LRFN5: variants seen among roughly 807,000 people sequenced by gnomAD.
LRFN5 encodes the protein leucine rich repeat and fibronectin type III domain containing 5.
Under a neutral mutation model 45.6 loss-of-function variants are expected in LRFN5, and 24 were observed. The observed-to-expected ratio is 0.53, with a 90% CI of 0.38 to 0.74. LRFN5 has a LOEUF of 0.74. LRFN5 is among the 30% of genes least tolerant of loss of function. LRFN5 has a pLI of 0.00. For synonymous variants in LRFN5, 340 were observed against 313.8 expected (o/e 1.08, Z -0.88); for missense variants, 776 against 861.5 (o/e 0.90, Z 1.24).
intron 1 of LRFN5, among the ~76,000 whole-genome samples, chr14:41,610,972 G>A (rs1018097700): frequency 6.6e-6 from 1 of 152,030 alleles, no homozygotes; most frequent in African/African-American, 2.4e-5. Flanking sequence ...TATCTAGAGA[G>A]TGCACAAGAA....
chr14:41,710,814 C>T (rs1355052194), intron 1 of LRFN5, among the ~76,000 whole-genome samples: 1 of 152,028 alleles, frequency 6.6e-6, no homozygotes, highest in Non-Finnish European at 1.5e-5. Flanking sequence ...GTTCCCCTGC[C>T]TGTGTCCATG....
intron 2 of LRFN5, among the ~76,000 whole-genome samples, chr14:41,862,193 A>G (rs1184113418): frequency 2.6e-5 from 4 of 152,184 alleles, no homozygotes; most frequent in Non-Finnish European, 4.4e-5. Flanking sequence ...AGTTCTTTAT[A>G]GCAGTATGAA....
chr14:41,816,822 G>T (rs1887934169), intron 2 of LRFN5, among the ~76,000 whole-genome samples: 1 of 151,706 alleles, frequency 6.6e-6, no homozygotes, highest in Non-Finnish European at 1.5e-5. Context: ...AACATAATTT[G>T]GGAAAAATCT....
chr14:41,687,017 T>C (rs1882152125), intron 1 of LRFN5, among the ~76,000 whole-genome samples: 1 of 152,172 alleles, frequency 6.6e-6, no homozygotes, highest in Non-Finnish European at 1.5e-5. Flanking sequence ...TTGTTTGGAA[T>C]AGTTTCAGAA....
chr14:41,868,841 C>T (rs958068988), intron 2 of LRFN5, among the ~76,000 whole-genome samples: 2 of 152,114 alleles, frequency 1.3e-5, no homozygotes, highest in African/African-American at 2.4e-5. Context: ...AAATGACTGC[C>T]ATGCAGCCTG....
chr14:41,706,973 A>C (rs932983593), intron 1 of LRFN5, among the ~76,000 whole-genome samples: 1 of 152,172 alleles, frequency 6.6e-6, no homozygotes, highest in Non-Finnish European at 1.5e-5. Context: ...TTAACCATTA[A>C]ATCTACATCC....
chr14:41,714,079 G>T (rs1416677405), intron 1 of LRFN5, among the ~76,000 whole-genome samples: 1 of 151,802 alleles, frequency 6.6e-6, no homozygotes, highest in Non-Finnish European at 1.5e-5. Context: ...TTATATAAGA[G>T]AAATGGCATT....
At chr14:41,865,852 A>G (rs1337131522) in intron 2 of LRFN5, among the ~76,000 whole-genome samples, 1 of 152,096 alleles carries the variant, frequency 6.6e-6, no homozygotes, top group Non-Finnish European at 1.5e-5. Flanking sequence ...TGATTTGTAT[A>G]TCTTATTTTG....
At position 41,856,659 on chromosome 14, in the gene LRFN5, A is replaced by AATTATTATTATTATT. The variant is rs1377101488; in HGVS notation, c.-20-29943_-20-29929dup. ...AGTCTTTTGTAATTCTTTCTTTCCT[A>AATTATTATTATTATT]ATTATTATTATTATTATTTTTTTTT... On this transcript the variant is annotated intron_variant, in intron 2 of 5. Coordinates refer to ENST00000298119, the MANE Select transcript of LRFN5 (RefSeq NM_152447.5). 1.5e-3 allele frequency among the ~76,000 whole-genome samples: 76 copies of AATTATTATTATTATT among 49,718 alleles called. 4 individuals are homozygous for AATTATTATTATTATT. Among genetic ancestry groups the AATTATTATTATTATT allele is most frequent in the African/African-American group, 5.5e-3 (66 of 12,106 alleles). 32.6% of individuals were successfully genotyped at this position (49,718 alleles called of 152,430 possible).
chr14:41,640,908 G>A (rs1361992663), intron 1 of LRFN5, among the ~76,000 whole-genome samples: 1 of 151,900 alleles, frequency 6.6e-6, no homozygotes, highest in Non-Finnish European at 1.5e-5. Context: ...AGCAAAATAT[G>A]GGAAAACTCA....
intron 2 of LRFN5, among the ~76,000 whole-genome samples, chr14:41,796,641 C>T (rs922293714): frequency 6.6e-6 from 1 of 151,854 alleles, no homozygotes; most frequent in Non-Finnish European, 1.5e-5. Flanking sequence ...ATTAGGGTCA[C>T]TTTATTAGGC....
At chr14:41,732,940 AAAG>A (rs139403799) in intron 1 of LRFN5, among the ~76,000 whole-genome samples, 40,881 of 151,658 alleles carry the variant, frequency 0.27, 5,822 homozygotes, top group South Asian at 0.42. Context: ...CCAGAAAAGA[AAAG>A]AAAAAAATTC....
intron 1 of LRFN5, among the ~76,000 whole-genome samples, chr14:41,610,947 C>T (rs1047944383): frequency 6.6e-6 from 1 of 151,988 alleles, no homozygotes; most frequent in Non-Finnish European, 1.5e-5. Context: ...TATTTGTTAG[C>T]AAGTAACTCA....
intron 1 of LRFN5, among the ~76,000 whole-genome samples, chr14:41,634,889 G>T (rs1345208088): frequency 1.3e-5 from 2 of 151,984 alleles, no homozygotes; most frequent in Non-Finnish European, 2.9e-5. Flanking sequence ...TATGAAAAAT[G>T]CATTATTATA....
At chr14:41,821,850 T>C (rs567904095) in intron 2 of LRFN5, among the ~76,000 whole-genome samples, 10 of 151,860 alleles carry the variant, frequency 6.6e-5, no homozygotes, top group African/African-American at 2.4e-4. Context: ...TCATTATTTG[T>C]CTACTCAAGT....
At chr14:41,900,679 C>T (rs940752284) in intron 5 of LRFN5, among the ~76,000 whole-genome samples, 1 of 152,082 alleles carries the variant, frequency 6.6e-6, no homozygotes, top group African/African-American at 2.4e-5. Context: ...TATTAGCCAG[C>T]TCCTTGCTAC....
At chr14:41,799,229 C>G (rs1887239893) in intron 2 of LRFN5, among the ~76,000 whole-genome samples, 3 of 151,972 alleles carry the variant, frequency 2.0e-5, no homozygotes, top group Admixed American at 2.0e-4. Flanking sequence ...AAGACCTTTT[C>G]TGTAGTCTAC....
chr14:41,784,623 G>GTA lies in LRFN5; in HGVS notation c.-21+17595_-21+17596insAT, dbSNP rs1886651142. On this transcript the variant is annotated intron_variant, in intron 2 of 5. Transcript: ENST00000298119. Reference sequence around the variant, plus strand: ...TATTTTGAAGCCTGTGTGTGTATGTGTGTGTGTTTGTGTGTGTGTGTGTGT... The same window carrying GTA: ...TATTTTGAAGCCTGTGTGTGTATGTGTATGTGTGTTTGTGTGTGTGTGTGTGT... Among the ~76,000 whole-genome samples the GTA allele has an allele frequency of 9.2e-5, 6 of 64,904 alleles. No homozygotes were observed. In the South Asian group the frequency reaches 3.7e-3, roughly 40 times the overall value. The allele number at this position is 64,904 out of a possible 152,430, so 42.6% of individuals were successfully genotyped here.
chr14:41,675,448 C>T (rs150731504), intron 1 of LRFN5, among the ~76,000 whole-genome samples: 3,594 of 152,234 alleles, frequency 0.024, 123 homozygotes, highest in African/African-American at 0.082. Flanking sequence ...CAAAAAATTA[C>T]GAAAACCAGT....
Sources: gnomAD v4.1 joint callset for allele counts (sites outside exome capture counted in the v4.1 genomes callset) on GRCh38, gnomAD v4.1.1 for gene constraint, MANE v1.5 for transcripts, NCBI Gene and HGNC (gene_info 2026-07-23, HGNC 2026-07-21) for gene names.